The following RIMS2 variants were observed in gnomAD, a reference collection of about 807,000 sequenced individuals.
The protein encoded by RIMS2 is regulating synaptic membrane exocytosis 2.
A neutral mutation model predicts 174.4 loss-of-function variants in RIMS2; 59 were observed. The observed-to-expected ratio is 0.34, with a 90% CI of 0.27 to 0.42. RIMS2 has a LOEUF of 0.42. Ranked by LOEUF, RIMS2 falls within the 10% of genes least tolerant of loss-of-function variation. The pLI is 1.00. For synonymous variants in RIMS2, 606 were observed against 572.5 expected, an observed-to-expected ratio of 1.06 and a Z score of -0.84; for missense variants, 1,620 against 1,666.3, an observed-to-expected ratio of 0.97 and a Z score of 0.48.
In RIMS2 at chr8:103,640,617, T is replaced by C. The variant is rs574546109; in HGVS notation, c.177-56469T>C. Among the ~76,000 whole-genome samples the C allele has an allele frequency of 1.6e-4, 25 of 152,220 alleles. No individual in the cohort carries two copies. In the East Asian group the frequency reaches 4.8e-3, roughly 29 times the overall value. On this transcript the variant is annotated intron_variant, in intron 1 of 23. Transcript: ENST00000504942. ...AATCTATTTTGAGACTTGACTCACA[T>C]ATTTTTAGAAGCATATGGTTTAATT...
At chr8:103,776,691 A>G (rs2098321752) in intron 3 of RIMS2, among the ~76,000 whole-genome samples, 1 of 152,118 alleles carries the variant, frequency 6.6e-6, no homozygotes, top group South Asian at 2.1e-4. Flanking sequence ...CTAGGGGGCT[A>G]GTAGTCACAG....
At chr8:103,793,082 T>C (rs1467653533) in intron 3 of RIMS2, among the ~76,000 whole-genome samples, 2 of 152,228 alleles carry the variant, frequency 1.3e-5, no homozygotes, top group Non-Finnish European at 2.9e-5. Context: ...ACTCATTGTA[T>C]GAAGCCAGCA....
intron 1 of RIMS2, among the ~76,000 whole-genome samples, chr8:103,520,428 C>T (rs1277458200): frequency 2.0e-5 from 3 of 152,052 alleles, no homozygotes; most frequent in African/African-American, 7.2e-5. Flanking sequence ...ATTATCTTTA[C>T]TAGAGAGTTT....
At chr8:103,554,025 C>T (rs1278113517) in intron 1 of RIMS2, among the ~76,000 whole-genome samples, 1 of 152,138 alleles carries the variant, frequency 6.6e-6, no homozygotes, top group Non-Finnish European at 1.5e-5. Flanking sequence ...GGACCCCTTC[C>T]TTATACCTTA....
In RIMS2 at chr8:103,790,040, G is replaced by A. The variant is rs1015633653; in HGVS notation, c.698+23503G>A. 2.6e-5 allele frequency among the ~76,000 whole-genome samples: 4 copies of A among 152,262 alleles called. No homozygotes were observed. In the East Asian group the frequency reaches 7.7e-4, roughly 29 times the overall value. ...GCTTCCCAAAGTGGTGGGATTACAG[G>A]TATGAGCCACCCTGCCCAGCATGTG... is the stretch of plus-strand genomic sequence containing the variant. On this transcript the variant is annotated intron_variant, in intron 3 of 23. Transcript: ENST00000504942.
chr8:103,545,617 A>G (rs1844673995), intron 1 of RIMS2, among the ~76,000 whole-genome samples: 1 of 152,232 alleles, frequency 6.6e-6, no homozygotes, highest in East Asian at 1.9e-4. Context: ...TGTTAAAGAC[A>G]GCTAGAGAGA....
At chr8:104,084,436 T>TGAA (rs2097495414) in intron 19 of RIMS2, among the ~76,000 whole-genome samples, 1 of 30,922 alleles carries the variant, frequency 3.2e-5, no homozygotes, top group Non-Finnish European at 4.5e-5. Flanking sequence ...AGACTCTGTC[T>TGAA]CAAAAAAAAA....
intron 19 of RIMS2, among the ~76,000 whole-genome samples, chr8:104,034,301 C>T (rs1256726548): frequency 6.6e-6 from 1 of 151,866 alleles, no homozygotes; most frequent in Non-Finnish European, 1.5e-5. Context: ...AACCAAGGAG[C>T]TAAATGGTAT....
At chr8:103,552,082 A>C (rs1848212652) in intron 1 of RIMS2, among the ~76,000 whole-genome samples, 1 of 152,202 alleles carries the variant, frequency 6.6e-6, no homozygotes, top group African/African-American at 2.4e-5. Context: ...GACTTTTTTC[A>C]CAGAATTGGA....
intron 19 of RIMS2, among the ~76,000 whole-genome samples, chr8:104,169,736 T>C (rs1387593978): frequency 6.6e-6 from 1 of 152,100 alleles, no homozygotes; most frequent in Non-Finnish European, 1.5e-5. Context: ...AGTTTGTTCT[T>C]GTTTCTCTAG....
At chr8:103,750,904 T>G (rs1484974976) in intron 2 of RIMS2, among the ~76,000 whole-genome samples, 20 of 152,272 alleles carry the variant, frequency 1.3e-4, no homozygotes, top group Admixed American at 6.5e-4. Context: ...TCATCTTGAA[T>G]TCCCACGTGT....
chr8:103,514,216 C>G (rs1452852665), intron 1 of RIMS2, among the ~76,000 whole-genome samples: 1 of 152,214 alleles, frequency 6.6e-6, no homozygotes, highest in East Asian at 1.9e-4. Flanking sequence ...CTGACAAAGG[C>G]TAGAAAAAGT....
At chr8:103,612,279 T>C (rs1256192188) in intron 1 of RIMS2, among the ~76,000 whole-genome samples, 1 of 152,212 alleles carries the variant, frequency 6.6e-6, no homozygotes, top group Non-Finnish European at 1.5e-5. Context: ...TTTTCAGGAT[T>C]GGGCCCTGGT....
At chr8:103,763,919 A>G (rs139569918) in intron 2 of RIMS2, among the ~76,000 whole-genome samples, 1 of 152,326 alleles carries the variant, frequency 6.6e-6, no homozygotes, top group African/African-American at 2.4e-5. Context: ...AACCCATTTA[A>G]CATATTGAAC....
intron 1 of RIMS2, among the ~76,000 whole-genome samples, chr8:103,623,840 A>T (rs2095707497): frequency 6.6e-6 from 1 of 151,878 alleles, no homozygotes; most frequent in Admixed American, 6.6e-5. Context: ...TCAAGTATCA[A>T]GTTCAGACCT....
intron 1 of RIMS2, among the ~76,000 whole-genome samples, chr8:103,651,394 T>C (rs2096449955): frequency 6.6e-6 from 1 of 152,212 alleles, no homozygotes; most frequent in South Asian, 2.1e-4. Flanking sequence ...TTCAATTGGC[T>C]GTCTTAGCTT....
rs542404345 is a variant in RIMS2 at position 103,506,483 on chromosome 8, A to T, written c.176+5421A>T. On this transcript the variant is annotated intron_variant, in intron 1 of 23. Transcript: ENST00000504942. ...TCATCTATACTATTTGAGTAATAAC[A>T]CCTATTTTGAAGGATTGTGATTGTT... 9.9e-5 allele frequency among the ~76,000 whole-genome samples: 15 copies of T among 152,196 alleles called. No homozygotes were observed. The South Asian group carries it at 2.5e-3, about 25-fold the overall frequency.
chr8:103,694,786 T>TAC (rs2097078818), intron 1 of RIMS2, among the ~76,000 whole-genome samples: 1 of 152,140 alleles, frequency 6.6e-6, no homozygotes, highest in Admixed American at 6.6e-5. Context: ...TGATACTGGG[T>TAC]TGTGCCTGAA....
chr8:103,621,357 G>A (rs575045801), intron 1 of RIMS2, among the ~76,000 whole-genome samples: 6 of 152,278 alleles, frequency 3.9e-5, no homozygotes, highest in East Asian at 1.9e-4. Flanking sequence ...TATTTGTCCC[G>A]ATTGGTTAGC....
Sources: gnomAD v4.1 joint callset for allele counts (sites outside exome capture counted in the v4.1 genomes callset) on GRCh38, gnomAD v4.1.1 for gene constraint, MANE v1.5 for transcripts, NCBI Gene and HGNC (gene_info 2026-07-23, HGNC 2026-07-21) for gene names.